The following SNTG1 variants were observed in gnomAD, a reference collection of about 807,000 sequenced individuals.
SNTG1 encodes syntrophin gamma 1.
SNTG1 carries 39 observed loss-of-function variants against 74.7 expected under a neutral mutation model. The ratio of observed to expected loss-of-function variants is 0.52; its 90% CI spans 0.40 to 0.68. The LOEUF is 0.68. Ranked by LOEUF, SNTG1 falls within the 30% of genes least tolerant of loss-of-function variation. The probability of loss-of-function intolerance (pLI) is 0.00; values close to 1 mark genes in which losing one functional copy is unlikely to be tolerated. For synonymous variants in SNTG1, 254 were observed against 217.1 expected, an observed-to-expected ratio of 1.17 and a Z score of -1.49; for missense variants, 685 against 609.5, an observed-to-expected ratio of 1.12 and a Z score of -1.30.
intron 1 of SNTG1, among the ~76,000 whole-genome samples, chr8:49,956,233 A>G (rs1810147336): frequency 6.6e-6 from 1 of 152,260 alleles, no homozygotes; most frequent in Non-Finnish European, 1.5e-5. Context: ...GCATTTGAGC[A>G]AAACACATTG....
At chr8:50,752,238 G>A (rs913480573) in intron 18 of SNTG1, 127 bp downstream of exon 18, 9 of 452,144 alleles carry the variant, frequency 2.0e-5, no homozygotes, top group African/African-American at 4.0e-5. Context: ...TGAAATATCC[G>A]TCATGGCCAG....
At chr8:50,763,629 TG>T (rs2131748000) in intron 18 of SNTG1, among the ~76,000 whole-genome samples, 1 of 148,146 alleles carries the variant, frequency 6.8e-6, no homozygotes, top group Admixed American at 6.8e-5. Flanking sequence ...TACACTCTTT[TG>T]GCTCAAGATT....
intron 15 of SNTG1, among the ~76,000 whole-genome samples, chr8:50,701,753 TCTC>T (rs768659479): frequency 0.054 from 4,546 of 83,772 alleles, 143 homozygotes; most frequent in African/African-American, 0.17. Context: ...TTCTCCTTCT[TCTC>T]CTTCTTCTTC....
chr8:50,175,900 A>C (rs928497436), intron 2 of SNTG1, among the ~76,000 whole-genome samples: 2 of 152,078 alleles, frequency 1.3e-5, no homozygotes, highest in African/African-American at 4.8e-5. Flanking sequence ...ATATTTGCCC[A>C]CATTTAAAGC....
At chr8:50,467,298 GCTTT>G (rs1226969438) in intron 8 of SNTG1, among the ~76,000 whole-genome samples, 1 of 151,772 alleles carries the variant, frequency 6.6e-6, no homozygotes, top group African/African-American at 2.4e-5. Flanking sequence ...TAGATTTCGT[GCTTT>G]CTTTTTGTAA....
intron 1 of SNTG1, among the ~76,000 whole-genome samples, chr8:49,984,038 T>C (rs1049382605): frequency 1.2e-4 from 18 of 152,338 alleles, no homozygotes; most frequent in South Asian, 4.1e-4. Context: ...TAGTTTTCTT[T>C]TGTGACATTT....
intron 1 of SNTG1, among the ~76,000 whole-genome samples, chr8:50,048,591 G>A (rs1469520891): frequency 6.6e-6 from 1 of 152,090 alleles, no homozygotes; most frequent in Non-Finnish European, 1.5e-5. Flanking sequence ...TAGAAAAGGT[G>A]TCAGCTCCTA....
intron 4 of SNTG1, among the ~76,000 whole-genome samples, chr8:50,425,369 C>T (rs1225925291): frequency 6.6e-6 from 1 of 151,990 alleles, no homozygotes; most frequent in Non-Finnish European, 1.5e-5. Context: ...GAAGCACATA[C>T]CCTATTATGA....
intron 1 of SNTG1, among the ~76,000 whole-genome samples, chr8:49,933,312 G>T (rs557616653): frequency 6.6e-6 from 1 of 152,270 alleles, no homozygotes; most frequent in African/African-American, 2.4e-5. Flanking sequence ...TGGATGTGAA[G>T]GGGTAACTGA....
At position 50,238,045 on chromosome 8, in the gene SNTG1, A is replaced by G. The variant is rs539110085; in HGVS notation, c.-28+65410A>G. ...TGAGCCATATGCATAGGAGGAATCAATATTATTAAAATGGCCCTACTGCCC... is the reference window on the plus strand; with the variant it reads ...TGAGCCATATGCATAGGAGGAATCAGTATTATTAAAATGGCCCTACTGCCC... On this transcript the variant is annotated intron_variant, in intron 2 of 18. Coordinates refer to ENST00000642720, the MANE Select transcript of SNTG1 (RefSeq NM_018967.5). Among the ~76,000 whole-genome samples, 17 of 152,262 alleles carry G rather than the reference A, an allele frequency of 1.1e-4. 1 individual carries two copies. Among genetic ancestry groups the G allele is most frequent in the African/African-American group, 4.1e-4 (17 of 41,564 alleles).
intron 2 of SNTG1, among the ~76,000 whole-genome samples, chr8:50,301,825 G>A (rs1320263983): frequency 6.6e-6 from 1 of 150,422 alleles, no homozygotes; most frequent in Admixed American, 6.6e-5. Context: ...TTTCTGCTCT[G>A]TTTTGTTTTT....
intron 17 of SNTG1, among the ~76,000 whole-genome samples, chr8:50,729,793 G>A (rs1017868293): frequency 6.6e-6 from 1 of 152,152 alleles, no homozygotes; most frequent in African/African-American, 2.4e-5. Flanking sequence ...CATACTTAAG[G>A]GGAATTCTGA....
chr8:49,938,603 T>TCTTTTCTTTTC (rs1808347084), intron 1 of SNTG1, among the ~76,000 whole-genome samples: 1 of 74,754 alleles, frequency 1.3e-5, no homozygotes. Flanking sequence ...TTTTCTTTTC[T>TCTTTTCTTTTC]TTTCTTTCTT....
intron 1 of SNTG1, among the ~76,000 whole-genome samples, chr8:50,081,910 C>T (rs538952459): frequency 1.1e-4 from 16 of 152,298 alleles, no homozygotes; most frequent in East Asian, 1.9e-4. Context: ...GGATTACAGG[C>T]GTGAGCCATT....
At chr8:50,770,983 A>G (rs1037850091) in intron 18 of SNTG1, among the ~76,000 whole-genome samples, 1 of 152,096 alleles carries the variant, frequency 6.6e-6, no homozygotes, top group African/African-American at 2.4e-5. Context: ...AGAGCCAAAT[A>G]AACTGCTTTT....
At chr8:50,618,010 AAGAAAGTCTGGC>A (rs1424029195) in intron 13 of SNTG1, among the ~76,000 whole-genome samples, 6 of 152,194 alleles carry the variant, frequency 3.9e-5, no homozygotes, top group Non-Finnish European at 8.8e-5. Context: ...CAGTATATGG[AAGAAAGTCTGGC>A]AGACAGCAAC....
chr8:50,024,846 G>A (rs1817129493), intron 1 of SNTG1, among the ~76,000 whole-genome samples: 1 of 152,106 alleles, frequency 6.6e-6, no homozygotes, highest in Non-Finnish European at 1.5e-5. Context: ...AAGTAGTGTA[G>A]ACAGCACAGA....
At chr8:50,542,981 CAG>C (rs1352220765) in intron 11 of SNTG1, among the ~76,000 whole-genome samples, 1 of 152,138 alleles carries the variant, frequency 6.6e-6, no homozygotes, top group Non-Finnish European at 1.5e-5. Flanking sequence ...ATATTCTGTT[CAG>C]TAATTCTTTG....
intron 1 of SNTG1, among the ~76,000 whole-genome samples, chr8:49,999,454 A>G (rs999988420): frequency 6.6e-6 from 1 of 152,158 alleles, no homozygotes; most frequent in Non-Finnish European, 1.5e-5. Flanking sequence ...CACAACAGCC[A>G]CAGTGATCTT....
Sources: gnomAD v4.1 joint callset for allele counts (sites outside exome capture counted in the v4.1 genomes callset) on GRCh38, gnomAD v4.1.1 for gene constraint, MANE v1.5 for transcripts, NCBI Gene and HGNC (gene_info 2026-07-23, HGNC 2026-07-21) for gene names.